DGKB: variants seen among roughly 807,000 people sequenced by gnomAD.
DGKB encodes diacylglycerol kinase beta.
DGKB carries 67 observed loss-of-function variants against 114.3 expected under a neutral mutation model. The observed-to-expected ratio is 0.59, with a 90% CI of 0.48 to 0.72. The LOEUF (loss-of-function observed/expected upper bound fraction) is 0.72, where lower values mean the gene tolerates loss of function less well. DGKB is among the 30% of genes least tolerant of loss of function. The probability of loss-of-function intolerance (pLI) is 0.00; values close to 1 mark genes in which losing one functional copy is unlikely to be tolerated. For missense variants in DGKB, 907 were observed against 975.2 expected (o/e 0.93, Z 0.93); for synonymous variants, 398 against 323.1 (o/e 1.23, Z -2.49).
At chr7:14,327,410 A>G (rs1808935981) in intron 23 of DGKB, among the ~76,000 whole-genome samples, 1 of 152,148 alleles carries the variant, frequency 6.6e-6, no homozygotes, top group Admixed American at 6.6e-5. Context: ...CCAGTAATTT[A>G]AAAATAAACA....
chr7:14,734,917 T>C (rs917820495), intron 5 of DGKB, among the ~76,000 whole-genome samples: 9 of 151,560 alleles, frequency 5.9e-5, no homozygotes, highest in South Asian at 4.2e-4. Flanking sequence ...TAGAGGGCGC[T>C]AGAGAGAGAC....
intron 21 of DGKB, among the ~76,000 whole-genome samples, chr7:14,384,161 T>G (rs934799649): frequency 1.3e-5 from 2 of 152,230 alleles, no homozygotes; most frequent in Non-Finnish European, 2.9e-5. Context: ...AAGTACATTT[T>G]TAGATAAGAC....
chr7:14,552,665 C>T (rs904274282), intron 20 of DGKB, among the ~76,000 whole-genome samples: 3 of 152,142 alleles, frequency 2.0e-5, no homozygotes, highest in Non-Finnish European at 4.4e-5. Context: ...TAATTGTTTT[C>T]CGGGGCAGCT....
intron 20 of DGKB, among the ~76,000 whole-genome samples, chr7:14,501,390 T>C (rs1786151133): frequency 6.6e-6 from 1 of 151,824 alleles, no homozygotes; most frequent in Admixed American, 6.6e-5. Context: ...CAACTTATAA[T>C]TTAATACATA....
At chr7:14,535,877 ACCTGG>A (rs1445514663) in intron 20 of DGKB, among the ~76,000 whole-genome samples, 3 of 152,010 alleles carry the variant, frequency 2.0e-5, no homozygotes, top group African/African-American at 7.2e-5. Flanking sequence ...GAGCCACTGC[ACCTGG>A]CCTGTTTTTT....
intron 13 of DGKB, among the ~76,000 whole-genome samples, chr7:14,647,952 C>A (rs1192682207): frequency 6.6e-6 from 1 of 152,182 alleles, no homozygotes; most frequent in Admixed American, 6.5e-5. Context: ...TAAAAAATGG[C>A]GCACCATGAG....
rs1347750471 is a variant in DGKB, at chr7:14,145,577, G to A, written c.*3554C>T. The stretch of plus-strand genomic sequence containing the variant: ...GAGTTCAAGCAATTCTTCTGCCTCA[G>A]CCTCCCGAGTAGCTGGGATTACAGG... On this transcript the variant is annotated 3_prime_UTR_variant, in exon 26 of 26. Coordinates refer to ENST00000402815, the MANE Select transcript of DGKB (RefSeq NM_001350709.2). 6.6e-6 allele frequency: 1 copy of A among 151,986 alleles called. No individual in the cohort carries two copies. Among genetic ancestry groups the A allele is most frequent in the Non-Finnish European group, 1.5e-5 (1 of 68,110 alleles). 9.4% of individuals were successfully genotyped at this position (151,986 alleles called of 1,614,324 possible). A position where few individuals can be genotyped will look rare whatever the true frequency, so the allele number is the denominator to read the frequency against.
At chr7:14,892,962 A>T (rs217586) in intron 1 of DGKB, among the ~76,000 whole-genome samples, 2 of 147,618 alleles carry the variant, frequency 1.4e-5, no homozygotes, top group African/African-American at 4.9e-5. Flanking sequence ...ATGTGTGTGT[A>T]TATATACATA....
chr7:14,298,871 A>T (rs562631573), intron 23 of DGKB, among the ~76,000 whole-genome samples: 2 of 152,306 alleles, frequency 1.3e-5, no homozygotes, highest in African/African-American at 4.8e-5. Context: ...CTCCATCAAA[A>T]AGTGGGTGAA....
chr7:14,931,425 A>T (rs1785014703), intron 1 of DGKB, among the ~76,000 whole-genome samples: 1 of 152,146 alleles, frequency 6.6e-6, no homozygotes, highest in Admixed American at 6.5e-5. Context: ...CTAGTATTTT[A>T]AAAGCATCTA....
intron 23 of DGKB, among the ~76,000 whole-genome samples, chr7:14,202,180 C>T (rs1395184435): frequency 2.0e-5 from 3 of 151,968 alleles, no homozygotes; most frequent in Admixed American, 6.6e-5. Context: ...TTAATGTACT[C>T]ATAGTATTTA....
chr7:14,384,004 T>A (rs1288551429), intron 21 of DGKB, among the ~76,000 whole-genome samples: 3 of 152,222 alleles, frequency 2.0e-5, no homozygotes, highest in Non-Finnish European at 4.4e-5. Context: ...TCATCATCAA[T>A]CATGGACTGA....
At chr7:14,277,762 T>G (rs1475963144) in intron 23 of DGKB, among the ~76,000 whole-genome samples, 4 of 152,234 alleles carry the variant, frequency 2.6e-5, no homozygotes, top group Non-Finnish European at 5.9e-5. Context: ...GATTTCAGTT[T>G]TCAATTTCTT....
At chr7:14,479,208 C>G (rs1031832860) in intron 20 of DGKB, among the ~76,000 whole-genome samples, 6 of 152,034 alleles carry the variant, frequency 3.9e-5, no homozygotes, top group African/African-American at 1.4e-4. Context: ...AAACCAAACT[C>G]AAGGAAATAA....
chr7:14,535,638 C>T (rs545083802), intron 20 of DGKB, among the ~76,000 whole-genome samples: 3 of 152,076 alleles, frequency 2.0e-5, no homozygotes, highest in South Asian at 4.1e-4. Flanking sequence ...CCCAGGCTGG[C>T]GTGCAATGGT....
intron 23 of DGKB, among the ~76,000 whole-genome samples, chr7:14,225,728 A>T (rs538088874): frequency 2.8e-5 from 4 of 140,578 alleles, no homozygotes; most frequent in Admixed American, 6.8e-5. Flanking sequence ...ATAGAGATTT[A>T]AAAAAAATAA....
At chr7:14,637,275 T>C (rs558607459) in intron 13 of DGKB, among the ~76,000 whole-genome samples, 33 of 152,062 alleles carry the variant, frequency 2.2e-4, no homozygotes, top group Admixed American at 5.9e-4. Flanking sequence ...TTCAGTGTTA[T>C]TATATATTCC....
intron 12 of DGKB, among the ~76,000 whole-genome samples, chr7:14,681,123 T>C (rs1820753038): frequency 6.6e-6 from 1 of 151,050 alleles, no homozygotes; most frequent in Admixed American, 6.6e-5. Flanking sequence ...AAAAAAAAAC[T>C]GGTTTTTAAA....
intron 21 of DGKB, among the ~76,000 whole-genome samples, chr7:14,392,409 T>G (rs745944864): frequency 2.6e-5 from 4 of 152,188 alleles, no homozygotes; most frequent in Admixed American, 6.5e-5. Context: ...ATATAATCAC[T>G]TTTCTGAGAA....
Sources: gnomAD v4.1 joint callset for allele counts (sites outside exome capture counted in the v4.1 genomes callset) on GRCh38, gnomAD v4.1.1 for gene constraint, MANE v1.5 for transcripts, NCBI Gene and HGNC (gene_info 2026-07-23, HGNC 2026-07-21) for gene names.